The following BICDL2 variants were observed in gnomAD, a reference collection of about 807,000 sequenced individuals.
BICDL2 encodes BICD family like cargo adaptor 2, also known as BICD family-like cargo adapter 2.
A neutral mutation model predicts 56.6 loss-of-function variants in BICDL2; 62 were observed. That is an observed-to-expected ratio of 1.10 (90% CI 0.89 to 1.35). The LOEUF is 1.35. Among genes scored for constraint, BICDL2 ranks in the 40% most tolerant of loss-of-function variants. BICDL2 has a pLI of 0.00. For missense variants in BICDL2, 808 were observed against 684.5 expected, an observed-to-expected ratio of 1.18 and a Z score of -2.01; for synonymous variants, 358 against 319.8, an observed-to-expected ratio of 1.12 and a Z score of -1.27.
In BICDL2 at chr16:3,028,384, C is replaced by T. The variant is rs765948154; in HGVS notation, c.1323G>A (p.Gln441=). 3 of 1,552,056 alleles carry T rather than the reference C, an allele frequency of 1.9e-6. No individual in the cohort carries two copies. In the South Asian group the frequency reaches 3.5e-5, roughly 18 times the overall value. The change falls in exon 9 of 10, where the codon CAG becomes CAA. Residue 441 remains glutamine, a synonymous_variant. Transcript: ENST00000572449. The stretch of plus-strand genomic sequence containing the variant: ...CCAGCTCCTGCGTGAGCGCCACCTT[C>T]TGGCGGATGGCGCGCAGCAGCTCCC... ...LSRELLRAIR[Q]KVALTQELEA...
chr16:3,034,821 C>T (rs947691947), intron 2 of BICDL2: 7 of 184,516 alleles, frequency 3.8e-5, no homozygotes, highest in Admixed American at 3.3e-4. Context: ...TCAATTGATC[C>T]CCCTGCCTCG....
At chr16:3,035,176 T>TTGGCCCGGGGGGGGGGGGGGGGGGGC in intron 2 of BICDL2, 39 bp downstream of exon 2, 1 of 136,274 alleles carries the variant, frequency 7.3e-6, no homozygotes, top group Non-Finnish European at 1.4e-5. Flanking sequence ...CGTCCTCCCC[T>TTGGCCCGGGGGGGGGGGGGGGGGGGC]GCCCACCCAC....
intron 2 of BICDL2, chr16:3,031,984 C>T (rs968889311): frequency 1.3e-5 from 2 of 152,466 alleles, no homozygotes; most frequent in African/African-American, 4.8e-5. Flanking sequence ...CAGGCTAGAG[C>T]GCAGTGGCAC....
chr16:3,036,644 G>T (rs980204203), intron 1 of BICDL2: 15 of 451,270 alleles, frequency 3.3e-5, no homozygotes, highest in Non-Finnish European at 5.3e-5. Flanking sequence ...CAGGGACCTG[G>T]AGACCGCTCC....
chr16:3,029,774 T>C (rs1315617402), intron 5 of BICDL2, 35 bp from the exon 6 acceptor site: 1 of 1,449,610 alleles, frequency 6.9e-7, no homozygotes, highest in Non-Finnish European at 9.0e-7. Context: ...GCGCGGGCGG[T>C]CAGCGGGACG....
rs1217172468 is a variant in BICDL2, at chr16:3,028,742, G to A, written c.1196C>T (p.Ala399Val). 1.9e-6 allele frequency: 3 copies of A among 1,564,652 alleles called. No homozygotes were observed. The highest frequency in any genetic ancestry group is 3.8e-5 in the Admixed American group (2 of 52,618). ...ELRAQEDPGE[A>V]LHSALSDRDE... ...CCGGTCTGAGAGGGCACTGTGCAGG[G>A]CCTCCCCAGGGTCTTCCTGCGCCCG... Residue 399 changes from alanine to valine, a missense_variant, in exon 8 of 10, where the codon GCC becomes GTC. Transcript: ENST00000572449.
chr16:3,036,405 G>T (rs1023589859), intron 1 of BICDL2: 2 of 454,680 alleles, frequency 4.4e-6, no homozygotes, highest in Admixed American at 4.7e-5. Flanking sequence ...CGGGTCAGAG[G>T]GCCCGACACA....
rs757738165 is a variant in BICDL2 at position 3,030,421 on chromosome 16, G to A, written c.762+28C>T. 8.1e-6 allele frequency: 13 copies of A among 1,595,882 alleles called. No homozygotes were observed. The East Asian group carries it at 1.1e-4, about 14-fold the overall frequency. On this transcript the variant is annotated intron_variant, in intron 5 of 9. Transcript: ENST00000572449. ...GAAGCCATTGCTAAGGGTCCAGGCA[G>A]TTGTAGTCCCCCAGCCCTGCAGGTC... is the stretch of plus-strand genomic sequence containing the variant.
chr16:3,034,437 C>T (rs575202990), intron 2 of BICDL2, among the ~76,000 whole-genome samples: 1 of 152,210 alleles, frequency 6.6e-6, no homozygotes, highest in African/African-American at 2.4e-5. Flanking sequence ...CCCCATCATG[C>T]CTGGCTAATT....
intron 7 of BICDL2, 21 bp downstream of exon 7, chr16:3,029,259 G>T (rs1230949587): frequency 6.2e-7 from 1 of 1,605,396 alleles, no homozygotes; most frequent in East Asian, 2.2e-5. Flanking sequence ...CGTGCATCCA[G>T]CACCGTGCCC....
intron 2 of BICDL2, among the ~76,000 whole-genome samples, chr16:3,034,170 C>T (rs1955696895): frequency 6.6e-6 from 1 of 152,186 alleles, no homozygotes; most frequent in Admixed American, 6.6e-5. Flanking sequence ...GAGTGGACAC[C>T]CATGACTGTC....
rs1288279584 is a variant in BICDL2, at chr16:3,035,448, C to T, written c.49G>A (p.Gly17Ser). 6.2e-7 allele frequency: 1 copy of T among 1,612,158 alleles called. No homozygotes were observed. The highest frequency in any genetic ancestry group is 1.1e-5 in the South Asian group (1 of 91,052). The change falls in exon 2 of 10, where the codon GGC becomes AGC. Residue 17 changes from glycine (G) to serine (S), a missense_variant. Coordinates refer to ENST00000572449, the MANE Select transcript of BICDL2 (RefSeq NM_001369667.1). ...CCCTCGTCGCCGCTGGGAGAGGCGCCCCCTGAGAGCGGCCCGGACGGGAAG... is the reference window on the plus strand; with the variant it reads ...CCCTCGTCGCCGCTGGGAGAGGCGCTCCCTGAGAGCGGCCCGGACGGGAAG... ...PSFPSGPLSGGASPSGDEGFF... is the reference protein window; with the variant it reads ...PSFPSGPLSGSASPSGDEGFF...
chr16:3,033,933 C>T (rs1025902864), intron 2 of BICDL2, among the ~76,000 whole-genome samples: 12 of 152,056 alleles, frequency 7.9e-5, no homozygotes, highest in African/African-American at 2.4e-4. Flanking sequence ...GTTGAGATGC[C>T]CACTAGGTGG....
rs761441808 is a variant in BICDL2, at chr16:3,028,208, G to A, written c.1425C>T (p.Ser475=). ...CACGGCGCGGGGTCGACGACGACGC[G>A]GAGGCGCTCAGCTCCTTCTGGCGCT... ...RSQRQKELSA[S]ASSSTPRRAA... Residue 475 remains serine (S), a synonymous_variant, in exon 10 of 10, where the codon TCC becomes TCT. Coordinates refer to ENST00000572449, the MANE Select transcript of BICDL2 (RefSeq NM_001369667.1). 14 of 1,469,970 alleles carry A rather than the reference G, an allele frequency of 9.5e-6. No homozygotes were observed. The highest frequency in any genetic ancestry group is 1.2e-5 in the Non-Finnish European group (13 of 1,122,644). 91.1% of individuals were successfully genotyped at this position (1,469,970 alleles called of 1,614,324 possible).
Position 3,028,688 on chromosome 16 carries a change from C to T in BICDL2, c.1238+12G>A. 2 of 1,568,906 alleles carry T rather than the reference C, an allele frequency of 1.3e-6. No individual in the cohort carries two copies. Among genetic ancestry groups the T allele is most frequent in the Non-Finnish European group, 1.7e-6 (2 of 1,156,550 alleles). Reference sequence around the variant, plus strand: ...AGGGCGCTGGGGCGGTGGTCAATGGCTTGAGGCTTACTTGTTCACGGCCTC... The same window carrying T: ...AGGGCGCTGGGGCGGTGGTCAATGGTTTGAGGCTTACTTGTTCACGGCCTC... On this transcript the variant is annotated intron_variant, in intron 8 of 9. Transcript: ENST00000572449.
At chr16:3,033,307 TAAC>T (rs966838439) in intron 2 of BICDL2, among the ~76,000 whole-genome samples, 5 of 150,790 alleles carry the variant, frequency 3.3e-5, no homozygotes, top group African/African-American at 4.9e-5. Flanking sequence ...TCCATGTAAA[TAAC>T]AACAATAATA....
chr16:3,035,176 T>TTGGCCCGGGGGGGG, intron 2 of BICDL2, 39 bp downstream of exon 2: 5 of 136,268 alleles, frequency 3.7e-5, no homozygotes, highest in Non-Finnish European at 6.8e-5. Flanking sequence ...CGTCCTCCCC[T>TTGGCCCGGGGGGGG]GCCCACCCAC....
intron 7 of BICDL2, 84 bp from the exon 8 acceptor site, chr16:3,028,914 C>T (rs537537259): frequency 7.1e-5 from 104 of 1,465,526 alleles, no homozygotes; most frequent in Non-Finnish European, 8.8e-5. Flanking sequence ...CTGGCTCTCC[C>T]CACCCCTCCT....
intron 3 of BICDL2, 28 bp from the exon 4 acceptor site, chr16:3,030,840 A>C: frequency 6.3e-7 from 1 of 1,581,588 alleles, no homozygotes; most frequent in Non-Finnish European, 8.6e-7. Context: ...GGGACAGAGG[A>C]GCCTCAGCAC....
Sources: gnomAD v4.1 joint callset for allele counts (sites outside exome capture counted in the v4.1 genomes callset) on GRCh38, gnomAD v4.1.1 for gene constraint, MANE v1.5 for transcripts, NCBI Gene and HGNC (gene_info 2026-07-23, HGNC 2026-07-21) for gene names.